The following MMEL1 variants were observed in gnomAD, a reference collection of about 807,000 sequenced individuals.
MMEL1 encodes membrane metalloendopeptidase like 1, also known as membrane metallo-endopeptidase-like 1.
MMEL1 carries 98 observed loss-of-function variants against 117.1 expected under a neutral mutation model. That is an observed-to-expected ratio of 0.84 (90% CI 0.71 to 0.99). The LOEUF (loss-of-function observed/expected upper bound fraction) is 0.99. Among genes scored for constraint, MMEL1 ranks in the 50% least tolerant of loss-of-function variants. The pLI is 0.00. For missense variants in MMEL1, 1,014 were observed against 1,049.1 expected, an observed-to-expected ratio of 0.97 and a Z score of 0.46; for synonymous variants, 390 against 415.1, an observed-to-expected ratio of 0.94 and a Z score of 0.74.
At chr1:2,618,221 C>A (rs1304942799) in intron 2 of MMEL1, among the ~76,000 whole-genome samples, 1 of 152,046 alleles carries the variant, frequency 6.6e-6, no homozygotes, top group Non-Finnish European at 1.5e-5. Flanking sequence ...GCTTGGTGCC[C>A]CTGAGTGGCT....
At chr1:2,600,907 T>C (rs1644921268) in intron 11 of MMEL1, among the ~76,000 whole-genome samples, 1 of 152,210 alleles carries the variant, frequency 6.6e-6, no homozygotes, top group African/African-American at 2.4e-5. Context: ...TAATAAAATA[T>C]GTATAAGAAC....
chr1:2,598,382 C>A, intron 12 of MMEL1, 82 bp from the exon 13 acceptor site: 1 of 1,405,610 alleles, frequency 7.1e-7, no homozygotes, highest in East Asian at 2.3e-5. Flanking sequence ...GGCCCTTGGC[C>A]AGCACGTTCC....
intron 1 of MMEL1, among the ~76,000 whole-genome samples, chr1:2,632,408 T>C (rs531049729): frequency 6.7e-4 from 102 of 152,312 alleles, no homozygotes; most frequent in African/African-American, 2.3e-3. Flanking sequence ...GGATCAATCA[T>C]TTGGACAAGT....
intron 9 of MMEL1, 126 bp downstream of exon 9, chr1:2,605,432 A>T: frequency 1.2e-6 from 1 of 811,264 alleles, no homozygotes; most frequent in Non-Finnish European, 2.1e-6. Context: ...TGCCGGGCTC[A>T]ACCTCCACAG....
rs1014829563 is a variant in MMEL1, at chr1:2,595,523, C to G, written c.1501-164G>C. 3.9e-5 allele frequency among the ~76,000 whole-genome samples: 6 copies of G among 152,140 alleles called. No homozygotes were observed. Among genetic ancestry groups the G allele is most frequent in the Non-Finnish European group, 7.4e-5 (5 of 68,008 alleles). ...GGCTGGGGGGCTCCGGGATCTGGCC[C>G]CCACCTTGCAGGCTCTGGGGAGGTT... is the stretch of plus-strand genomic sequence containing the variant. On this transcript the variant is annotated intron_variant, in intron 15 of 23. Coordinates refer to ENST00000378412, the MANE Select transcript of MMEL1 (RefSeq NM_033467.4). The surrounding 1 kb of genome is among the most constrained non-coding windows in gnomAD (Gnocchi z 4.8).
At chr1:2,630,673 ATGCACGTGTGTGCGTGTACACTCGTGTG>A (rs1234358140) in intron 1 of MMEL1, among the ~76,000 whole-genome samples, 2 of 141,096 alleles carry the variant, frequency 1.4e-5, no homozygotes, top group Non-Finnish European at 3.0e-5. Context: ...GTGTGCGGAT[ATGCACGTGTGTGCGTGTACACTCGTGTG>A]TGCACGTGTG....
At chr1:2,593,412 C>T (rs553980096) in intron 19 of MMEL1, among the ~76,000 whole-genome samples, 3 of 152,318 alleles carry the variant, frequency 2.0e-5, no homozygotes, top group South Asian at 2.1e-4. Flanking sequence ...CACCGAGGGG[C>T]GGAGGTCAGC....
chr1:2,598,138 G>C, intron 13 of MMEL1, 69 bp downstream of exon 13: 1 of 1,396,668 alleles, frequency 7.2e-7, no homozygotes, highest in Non-Finnish European at 1.0e-6. Flanking sequence ...TTTGCCTACA[G>C]CTTATGCTCA....
At chr1:2,623,360 A>T (rs1009625178) in intron 2 of MMEL1, among the ~76,000 whole-genome samples, 4 of 152,230 alleles carry the variant, frequency 2.6e-5, no homozygotes, top group African/African-American at 9.6e-5. Flanking sequence ...GGACATCAAA[A>T]GCTGCAATTG....
chr1:2,600,822 C>G (rs1195814104), intron 11 of MMEL1, among the ~76,000 whole-genome samples: 1 of 152,094 alleles, frequency 6.6e-6, no homozygotes, highest in African/African-American at 2.4e-5. Context: ...TCAGTATTTC[C>G]ATATATCAGC....
chr1:2,597,305 G>A (rs1314160061), intron 13 of MMEL1, among the ~76,000 whole-genome samples: 3 of 151,306 alleles, frequency 2.0e-5, no homozygotes, highest in South Asian at 2.1e-4. Context: ...CCCCCCTGAC[G>A]CTTGACTCAC....
At chr1:2,628,520 G>T (rs957761206) in intron 2 of MMEL1, among the ~76,000 whole-genome samples, 1 of 152,212 alleles carries the variant, frequency 6.6e-6, no homozygotes, top group Non-Finnish European at 1.5e-5. Flanking sequence ...ACCTGCCCCG[G>T]GGGTGAGCAT....
At chr1:2,603,997 C>A in intron 10 of MMEL1, 24 bp from the exon 11 acceptor site, 5 of 1,611,952 alleles carry the variant, frequency 3.1e-6, no homozygotes, top group Non-Finnish European at 4.2e-6. Context: ...AGCAGTCACA[C>A]GGGCGGGTGG....
intron 2 of MMEL1, among the ~76,000 whole-genome samples, chr1:2,625,150 A>C (rs1638220152): frequency 6.6e-6 from 1 of 152,144 alleles, no homozygotes; most frequent in African/African-American, 2.4e-5. Context: ...GCCCCTCCCA[A>C]ATCTCATGTC....
intron 8 of MMEL1, 143 bp from the exon 9 acceptor site, chr1:2,605,766 G>A: frequency 2.4e-6 from 1 of 413,052 alleles, no homozygotes; most frequent in Non-Finnish European, 4.5e-6. Flanking sequence ...GCTTGTGCCG[G>A]ACCCGGGAGG....
At chr1:2,615,330 G>T (rs1183880887) in intron 2 of MMEL1, among the ~76,000 whole-genome samples, 1 of 152,220 alleles carries the variant, frequency 6.6e-6, no homozygotes, top group Non-Finnish European at 1.5e-5. Context: ...GTGTGCACCT[G>T]TGACCTGCGG....
At chr1:2,593,011 C>T (rs1644767310) in intron 19 of MMEL1, 45 bp from the exon 20 acceptor site, 1 of 1,601,922 alleles carries the variant, frequency 6.2e-7, no homozygotes, top group Non-Finnish European at 8.5e-7. Flanking sequence ...CCTGGCTGCA[C>T]TGTGCCTGGC....
At chr1:2,629,001 G>T (rs1341910306) in intron 2 of MMEL1, among the ~76,000 whole-genome samples, 1 of 151,996 alleles carries the variant, frequency 6.6e-6, no homozygotes, top group Non-Finnish European at 1.5e-5. Context: ...CGGGCGACGG[G>T]TCTGCGCCCC....
At chr1:2,603,831 C>T in intron 11 of MMEL1, 53 bp downstream of exon 11, 1 of 1,544,358 alleles carries the variant, frequency 6.5e-7, no homozygotes, top group Non-Finnish European at 8.9e-7. Context: ...CTTCCATGTC[C>T]CCCACGAGTC....
Sources: allele counts gnomAD v4.1 joint callset (sites outside exome capture counted in the v4.1 genomes callset), GRCh38; gene constraint gnomAD v4.1.1; non-coding constraint Gnocchi (gnomAD v3.1); transcripts MANE v1.5; gene names NCBI Gene and HGNC (gene_info 2026-07-23, HGNC 2026-07-21).